The following PIEZO1 variants were observed in gnomAD, a reference collection of about 807,000 sequenced individuals.
The protein encoded by PIEZO1 is piezo-type mechanosensitive ion channel component 1.
In PIEZO1, 296 loss-of-function variants were observed where a neutral mutation model predicts 297.2. That is an observed-to-expected ratio of 1.00 (90% confidence interval 0.91 to 1.10). PIEZO1 has a LOEUF of 1.10. Ranked by LOEUF, PIEZO1 falls within the 50% of genes least tolerant of loss-of-function variation. PIEZO1 has a pLI of 0.00. For synonymous variants in PIEZO1, 2,427 were observed against 1,507.5 expected (o/e 1.61, Z -14.13); for missense variants, 5,018 against 3,455.5 (o/e 1.45, Z -11.34).
chr16:88,726,881 C>G lies in PIEZO1; in HGVS notation c.3533G>C (p.Gly1178Ala). The stretch of plus-strand genomic sequence containing the variant: ...CCCGAAGATGCTGATGCGGGTGGCC[C>G]CCGTGACAAACACCACCACCAGCAC... ...WLVLVVVFVTGATRISIFGLG... is the reference protein window; with the variant it reads ...WLVLVVVFVTAATRISIFGLG... Residue 1178 changes from glycine (G) to alanine (A), a missense_variant, in exon 25 of 51, where the codon GGG becomes GCG. Coordinates refer to ENST00000301015, the MANE Select transcript of PIEZO1 (RefSeq NM_001142864.4). 1.9e-6 allele frequency: 3 copies of G among 1,550,386 alleles called. No homozygotes were observed. In the East Asian group the frequency reaches 7.3e-5, roughly 38 times the overall value.
rs574991755 is a variant in PIEZO1, at chr16:88,749,033, C to G, written c.160+351G>C. 9.7e-4 allele frequency among the ~76,000 whole-genome samples: 146 copies of G among 150,250 alleles called. No individual in the cohort carries two copies. In the South Asian group the frequency reaches 0.011, roughly 11 times the overall value. ...CGGGCGGATCACAAGGTCAGGAGAT[C>G]GAGACCATCCTGGCTATCACGGTGA... On this transcript the variant is annotated intron_variant, in intron 2 of 50. Coordinates refer to ENST00000301015, the MANE Select transcript of PIEZO1 (RefSeq NM_001142864.4).
intron 10 of PIEZO1, chr16:88,736,993 T>G: frequency 2.6e-6 from 1 of 389,816 alleles, no homozygotes; most frequent in South Asian, 3.9e-5. Flanking sequence ...CCTGACCCCC[T>G]TTCCAGCTCT....
chr16:88,732,835 C>A, intron 19 of PIEZO1, 103 bp from the exon 20 acceptor site: 1 of 1,179,450 alleles, frequency 8.5e-7, no homozygotes, highest in Non-Finnish European at 1.2e-6. Context: ...TCCACTGCTC[C>A]CCAGCCAGGG....
intron 17 of PIEZO1, 47 bp from the exon 18 acceptor site, chr16:88,733,792 G>T: frequency 6.7e-7 from 1 of 1,482,990 alleles, no homozygotes; most frequent in Non-Finnish European, 9.0e-7. Context: ...GGGATTCCCG[G>T]GTCCCCTGTG....
At chr16:88,743,749 C>A (rs1905856452) in intron 2 of PIEZO1, 2 of 421,520 alleles carry the variant, frequency 4.7e-6, no homozygotes, top group Middle Eastern at 3.7e-4. Context: ...CCAGGACTCC[C>A]TGTCCGCACC....
intron 44 of PIEZO1, chr16:88,717,699 G>GAGAC (rs1163712402): frequency 2.3e-6 from 1 of 436,480 alleles, no homozygotes; most frequent in African/African-American, 2.0e-5. Context: ...GAAAATTTAA[G>GAGAC]AGACAGTCCA....
chr16:88,725,930 A>G (rs1227173426), intron 27 of PIEZO1: 1 of 568,804 alleles, frequency 1.8e-6, no homozygotes, highest in Non-Finnish European at 3.1e-6. Flanking sequence ...GCTGCAGGGA[A>G]GAAGGCAAAG....
chr16:88,725,558 G>A (rs1904361918), intron 28 of PIEZO1, 37 bp downstream of exon 28: 3 of 1,532,266 alleles, frequency 2.0e-6, no homozygotes, highest in Non-Finnish European at 2.7e-6. Context: ...AGCATTGGGG[G>A]GAGGAGCCGG....
At chr16:88,780,077 T>C (rs1226978107) in intron 1 of PIEZO1, among the ~76,000 whole-genome samples, 1 of 151,772 alleles carries the variant, frequency 6.6e-6, no homozygotes, top group Non-Finnish European at 1.5e-5. Context: ...CAAGATAGGG[T>C]CGGCTGCTGC....
intron 1 of PIEZO1, among the ~76,000 whole-genome samples, chr16:88,773,232 C>T (rs761797951): frequency 8.5e-5 from 13 of 152,258 alleles, no homozygotes; most frequent in Non-Finnish European, 1.6e-4. Flanking sequence ...CCCAGGCCCT[C>T]GCTCAGGGGA....
chr16:88,767,001 G>C (rs889764), intron 1 of PIEZO1, among the ~76,000 whole-genome samples: 1 of 152,044 alleles, frequency 6.6e-6, no homozygotes, highest in African/African-American at 2.4e-5. Context: ...AACACCCAAG[G>C]TCCTCACAGT....
intron 2 of PIEZO1, chr16:88,742,652 G>C (rs1023799408): frequency 3.8e-6 from 2 of 527,990 alleles, no homozygotes; most frequent in African/African-American, 3.9e-5. Context: ...GTGGCAGCAG[G>C]ATGGGCCTGG....
In PIEZO1 at chr16:88,727,661, T is replaced by C. The variant is rs1904552378; in HGVS notation, c.3197A>G (p.Asp1066Gly). ...GGCCCGGCTCCAGCGCCAGGGATAA[T>C]CTGGGGGAAGGGGTGTCATGTCAGG... ...CLGMPPALCI[D>G]YPWRWSRAVP... Residue 1066 changes from aspartate (D) to glycine (G), a missense_variant and splice_region_variant, in exon 23 of 51, where the codon GAT becomes GGT. Physicochemically the swap from Asp to Gly is moderately conservative, Grantham distance 94. Coordinates refer to ENST00000301015, the MANE Select transcript of PIEZO1 (RefSeq NM_001142864.4). 2 of 1,440,414 alleles carry C rather than the reference T, an allele frequency of 1.4e-6. No individual in the cohort carries two copies. Among genetic ancestry groups the C allele is most frequent in the African/African-American group, 1.4e-5 (1 of 69,716 alleles). The allele number at this position is 1,440,414 out of a possible 1,614,324, so 89.2% of individuals were successfully genotyped here.
At chr16:88,784,309 C>A (rs1182133143) in intron 1 of PIEZO1, among the ~76,000 whole-genome samples, 1 of 152,214 alleles carries the variant, frequency 6.6e-6, no homozygotes, top group African/African-American at 2.4e-5. Context: ...GGGAGGAACC[C>A]ACACTATTTT....
intron 1 of PIEZO1, among the ~76,000 whole-genome samples, chr16:88,760,555 C>A (rs1211267913): frequency 2.6e-5 from 4 of 152,242 alleles, no homozygotes; most frequent in African/African-American, 9.6e-5. Context: ...GAGCTCAAGA[C>A]AGGCAGGGAT....
In PIEZO1 at chr16:88,727,146, G is replaced by C; in HGVS notation, c.3348C>G (p.Phe1116Leu). The change falls in exon 24 of 51, where the codon TTC becomes TTG. Residue 1116 changes from phenylalanine to leucine, a missense_variant. Phe to Leu is a conservative substitution (Grantham distance 22). Transcript: ENST00000301015. Reference sequence around the variant, plus strand: ...GCCACTCCTCTGTGCGCTCAGCTGAGAACACCTGCCACTGCTGGGAGGCGC... The same window carrying C: ...GCCACTCCTCTGTGCGCTCAGCTGACAACACCTGCCACTGCTGGGAGGCGC... ...LLCASQQWQV[F>L]SAERTEEWQR... 1 of 1,549,354 alleles carries C rather than the reference G, an allele frequency of 6.5e-7. No homozygotes were observed. Among genetic ancestry groups the C allele is most frequent in the Non-Finnish European group, 8.7e-7 (1 of 1,146,366 alleles).
chr16:88,720,865 C>T (rs886375569), intron 39 of PIEZO1, 117 bp from the exon 40 acceptor site: 13 of 1,202,388 alleles, frequency 1.1e-5, no homozygotes, highest in Non-Finnish European at 1.5e-5. Flanking sequence ...AGACGGAGCA[C>T]AGGAAAGCTC....
At chr16:88,760,100 G>A (rs758633325) in intron 1 of PIEZO1, among the ~76,000 whole-genome samples, 3 of 69,608 alleles carry the variant, frequency 4.3e-5, no homozygotes. Flanking sequence ...CACAAGCAGA[G>A]GTCCTGCCTC....
intron 1 of PIEZO1, among the ~76,000 whole-genome samples, chr16:88,779,824 C>T (rs917309605): frequency 3.9e-5 from 6 of 152,228 alleles, no homozygotes; most frequent in Admixed American, 2.6e-4. Flanking sequence ...CCCCGGCCAC[C>T]GCGGCACTCA....
Sources: allele counts gnomAD v4.1 joint callset (sites outside exome capture counted in the v4.1 genomes callset), GRCh38; gene constraint gnomAD v4.1.1; transcripts MANE v1.5; gene names NCBI Gene and HGNC (gene_info 2026-07-23, HGNC 2026-07-21).